Variants in PARVB observed in about 807,000 individuals in gnomAD.
PARVB encodes the protein beta-parvin.
PARVB carries 46 observed loss-of-function variants against 47.0 expected under a neutral mutation model. The observed-to-expected ratio is 0.98, with a 90% CI of 0.77 to 1.25. PARVB has a LOEUF of 1.25. Among genes scored for constraint, PARVB ranks in the 50% most tolerant of loss-of-function variants. The pLI, the probability that PARVB is intolerant of heterozygous loss-of-function variation, is 0.00. For synonymous variants in PARVB, 196 were observed against 196.3 expected (o/e 1.00, Z 0.01); for missense variants, 473 against 471.6 (o/e 1.00, Z -0.03).
chr22:44,112,070 A>G (rs1174362249), intron 3 of PARVB: 1 of 152,174 alleles, frequency 6.6e-6, no homozygotes, highest in Non-Finnish European at 1.5e-5. Context: ...CAAAAAGGGT[A>G]GTTAGGATTG....
chr22:44,027,189 G>A (rs760107496), intron 1 of PARVB, among the ~76,000 whole-genome samples: 3 of 152,190 alleles, frequency 2.0e-5, no homozygotes, highest in Admixed American at 6.5e-5. Context: ...TGAAAGGACA[G>A]CGTGTTTCAA....
At chr22:44,002,756 C>T (rs908327108) in intron 2 of PARVB, among the ~76,000 whole-genome samples, 2 of 152,106 alleles carry the variant, frequency 1.3e-5, no homozygotes, top group African/African-American at 2.4e-5. Context: ...CTGTCTCAGT[C>T]GTGCCTTCCT....
At chr22:44,141,581 T>C (rs1183143848) in intron 8 of PARVB, 1 of 152,204 alleles carries the variant, frequency 6.6e-6, no homozygotes, top group African/African-American at 2.4e-5. Flanking sequence ...GATGTTAATC[T>C]CCTTTGGCAA....
rs1224951173 is a variant in PARVB, at chr22:44,171,542, A to AT, written c.*2868dup. The AT allele has an allele frequency of 6.6e-6, 1 of 151,808 alleles. No homozygotes were observed. Among genetic ancestry groups the AT allele is most frequent in the East Asian group, 1.9e-4 (1 of 5,184 alleles). 9.4% of individuals were successfully genotyped at this position (151,808 alleles called of 1,614,324 possible). A position where few individuals can be genotyped will look rare whatever the true frequency, so the allele number is the denominator to read the frequency against. On this transcript the variant is annotated 3_prime_UTR_variant, in exon 13 of 13. Coordinates refer to ENST00000338758, the MANE Select transcript of PARVB (RefSeq NM_013327.5). ...AGAAAAAGAAAAGAACAGAGCTGTG[A>AT]TTTTCAGCCAAAATGAGCAGCCCTG...
chr22:44,100,196 G>T, intron 3 of PARVB, 73 bp downstream of exon 3: 1 of 1,187,490 alleles, frequency 8.4e-7, no homozygotes, highest in Non-Finnish European at 1.3e-6. Context: ...GGGCTCTCAT[G>T]GACAAAGGGA....
rs567537774 is a variant in PARVB at position 44,169,096 on chromosome 22, A to G, written c.*418A>G. ...GCGATCACAGGCCTTCAGAAGTACA[A>G]CATCAGCTCAGCAGGAACGCCGGCT... On this transcript the variant is annotated 3_prime_UTR_variant, in exon 13 of 13. Transcript: ENST00000338758. The G allele has an allele frequency of 2.5e-4, 39 of 154,620 alleles. 1 individual carries two copies. The South Asian group carries it at 5.5e-3, about 22-fold the overall frequency. 9.6% of individuals were successfully genotyped at this position (154,620 alleles called of 1,614,324 possible). A position where few individuals can be genotyped will look rare whatever the true frequency, so the allele number is the denominator to read the frequency against.
chr22:44,033,669 C>T (rs2050864124), intron 1 of PARVB, among the ~76,000 whole-genome samples: 1 of 152,320 alleles, frequency 6.6e-6, no homozygotes, highest in Admixed American at 6.5e-5. Context: ...CCCCAAGCAA[C>T]GCCATCTTAG....
chr22:44,008,268 C>T (rs779127891), intron 2 of PARVB, among the ~76,000 whole-genome samples: 6 of 152,080 alleles, frequency 3.9e-5, no homozygotes, highest in Non-Finnish European at 7.3e-5. Context: ...CGCATCACCA[C>T]GCCCAACTGA....
At chr22:44,159,755 C>T (rs2054012581) in intron 11 of PARVB, among the ~76,000 whole-genome samples, 1 of 152,116 alleles carries the variant, frequency 6.6e-6, no homozygotes, top group African/African-American at 2.4e-5. Flanking sequence ...GTGGGTGGTC[C>T]CTGCTGTGGA....
intron 3 of PARVB, chr22:44,104,082 T>C (rs1371202367): frequency 6.6e-6 from 1 of 152,236 alleles, no homozygotes; most frequent in Non-Finnish European, 1.5e-5. Context: ...TGGCGTGCCC[T>C]GGCCACTGGG....
intron 1 of PARVB, chr22:44,026,347 C>A (rs539332240): frequency 2.0e-6 from 2 of 985,516 alleles, no homozygotes; most frequent in Non-Finnish European, 2.4e-6. Flanking sequence ...AGCAGGACGC[C>A]GGGCACTGCT....
chr22:44,131,766 G>A (rs1601654694), intron 5 of PARVB, 139 bp downstream of exon 5: 1 of 882,788 alleles, frequency 1.1e-6, no homozygotes, highest in East Asian at 2.7e-5. Context: ...TCCCTGCTCT[G>A]TAAGAGGTAG....
At chr22:44,058,998 G>A (rs2051369135) in intron 1 of PARVB, among the ~76,000 whole-genome samples, 1 of 147,390 alleles carries the variant, frequency 6.8e-6, no homozygotes, top group South Asian at 2.2e-4. Flanking sequence ...GGAAACAGAA[G>A]CAGAGTTGAT....
At chr22:44,057,115 C>T (rs767170518) in intron 1 of PARVB, among the ~76,000 whole-genome samples, 2 of 151,472 alleles carry the variant, frequency 1.3e-5, no homozygotes, top group Non-Finnish European at 2.9e-5. Flanking sequence ...CTGCGTGTCT[C>T]AACCTGACAA....
At chr22:44,127,738 G>A (rs996233216) in intron 4 of PARVB, among the ~76,000 whole-genome samples, 2 of 95,798 alleles carry the variant, frequency 2.1e-5, no homozygotes, top group Admixed American at 2.1e-4. Flanking sequence ...TTGGCCATGT[G>A]GAAATTGCCC....
At chr22:44,160,270 G>A (rs1385099328) in intron 11 of PARVB, among the ~76,000 whole-genome samples, 2 of 152,084 alleles carry the variant, frequency 1.3e-5, no homozygotes, top group Non-Finnish European at 2.9e-5. Flanking sequence ...AAGAAGACAC[G>A]AGTTGCTTCC....
At chr22:44,159,866 G>A (rs1207041033) in intron 11 of PARVB, among the ~76,000 whole-genome samples, 1 of 152,204 alleles carries the variant, frequency 6.6e-6, no homozygotes, top group Non-Finnish European at 1.5e-5. Context: ...TGTGGGCTGA[G>A]ACCCCGAGGT....
intron 2 of PARVB, chr22:43,999,718 G>A (rs2050391975): frequency 2.1e-6 from 3 of 1,404,662 alleles, no homozygotes; most frequent in Non-Finnish European, 3.0e-6. Flanking sequence ...TGAGGGCTGG[G>A]TGCAGTGGCT....
chr22:44,137,565 C>G (rs996005573), intron 7 of PARVB, among the ~76,000 whole-genome samples: 1 of 152,202 alleles, frequency 6.6e-6, no homozygotes, highest in African/African-American at 2.4e-5. Context: ...GCTCACAATT[C>G]TGTGGGTCAG....
Sources: gnomAD v4.1 joint callset for allele counts (sites outside exome capture counted in the v4.1 genomes callset) on GRCh38, gnomAD v4.1.1 for gene constraint, MANE v1.5 for transcripts, NCBI Gene and HGNC (gene_info 2026-07-23, HGNC 2026-07-21) for gene names.